ST6GALNAC3: variants seen among roughly 807,000 people sequenced by gnomAD.
ST6GALNAC3 encodes ST6 N-acetylgalactosaminide alpha-2,6-sialyltransferase 3.
Under a neutral mutation model 32.7 loss-of-function variants are expected in ST6GALNAC3, and 25 were observed. The observed-to-expected ratio is 0.76, with a 90% CI of 0.56 to 1.07. The LOEUF (loss-of-function observed/expected upper bound fraction) is 1.07. Ranked by LOEUF, ST6GALNAC3 falls within the 50% of genes least tolerant of loss-of-function variation. The probability of loss-of-function intolerance (pLI) is 0.00; values close to 1 mark genes in which losing one functional copy is unlikely to be tolerated. For missense variants in ST6GALNAC3, 355 were observed against 382.4 expected (o/e 0.93, Z 0.60); for synonymous variants, 129 against 133.1 (o/e 0.97, Z 0.21).
At chr1:76,122,613 G>A (rs552627151) in intron 1 of ST6GALNAC3, among the ~76,000 whole-genome samples, 2 of 152,344 alleles carry the variant, frequency 1.3e-5, no homozygotes, top group African/African-American at 4.8e-5. Context: ...TTCATGAGAG[G>A]TGGGATCGTG....
chr1:76,475,757 C>G (rs181802074), intron 3 of ST6GALNAC3, among the ~76,000 whole-genome samples: 1 of 152,056 alleles, frequency 6.6e-6, no homozygotes, highest in East Asian at 1.9e-4. Context: ...ACTTGCAGAC[C>G]TGCCACATAG....
At chr1:76,478,079 T>A (rs751380133) in intron 3 of ST6GALNAC3, among the ~76,000 whole-genome samples, 1 of 152,184 alleles carries the variant, frequency 6.6e-6, no homozygotes, top group East Asian at 1.9e-4. Flanking sequence ...GACCTGCTCC[T>A]TACTGGGGAG....
Position 76,245,042 on chromosome 1 carries a change from C to T in ST6GALNAC3, c.19-68763C>T, listed in dbSNP as rs555056837. 1.3e-3 allele frequency among the ~76,000 whole-genome samples: 194 copies of T among 152,194 alleles called. 1 individual carries two copies. The highest frequency in any genetic ancestry group is 4.6e-3 in the African/African-American group (193 of 41,556). On this transcript the variant is annotated intron_variant, in intron 1 of 4. Coordinates refer to ENST00000328299, the MANE Select transcript of ST6GALNAC3 (RefSeq NM_152996.4). ...CCTCTTTGTACCTCTGATAGAATTC[C>T]TCTGTGGATCCATCTGGTCCTGGGC... is the stretch of plus-strand genomic sequence containing the variant.
intron 3 of ST6GALNAC3, among the ~76,000 whole-genome samples, chr1:76,413,358 G>T (rs1571151299): frequency 6.6e-6 from 1 of 152,104 alleles, no homozygotes; most frequent in Non-Finnish European, 1.5e-5. Context: ...TGTGAATTTT[G>T]CTTATTTGTG....
At chr1:76,615,781 A>G (rs1648252562) in intron 3 of ST6GALNAC3, among the ~76,000 whole-genome samples, 1 of 152,088 alleles carries the variant, frequency 6.6e-6, no homozygotes, top group Non-Finnish European at 1.5e-5. Context: ...TCTGTTTTCT[A>G]GTTTTCTCTT....
intron 1 of ST6GALNAC3, among the ~76,000 whole-genome samples, chr1:76,266,655 C>T (rs1213372477): frequency 6.6e-6 from 1 of 152,194 alleles, no homozygotes; most frequent in African/African-American, 2.4e-5. Context: ...TAGGTGCTAA[C>T]TCCAATTCTC....
intron 3 of ST6GALNAC3, among the ~76,000 whole-genome samples, chr1:76,502,594 A>C (rs1320374282): frequency 6.6e-6 from 1 of 152,170 alleles, no homozygotes; most frequent in Non-Finnish European, 1.5e-5. Flanking sequence ...CTCCTTTTAT[A>C]GAGACAGCAG....
At chr1:76,185,504 T>A (rs1294478819) in intron 1 of ST6GALNAC3, among the ~76,000 whole-genome samples, 1 of 152,216 alleles carries the variant, frequency 6.6e-6, no homozygotes, top group Non-Finnish European at 1.5e-5. Flanking sequence ...AATCCTGTCA[T>A]GGAGGAAAGC....
intron 1 of ST6GALNAC3, among the ~76,000 whole-genome samples, chr1:76,178,726 A>T (rs531827271): frequency 1.3e-5 from 2 of 152,170 alleles, no homozygotes; most frequent in African/African-American, 4.8e-5. Context: ...TTCAAATATG[A>T]TCATCTGAGA....
chr1:76,099,707 G>A (rs890898697), intron 1 of ST6GALNAC3, among the ~76,000 whole-genome samples: 4 of 152,106 alleles, frequency 2.6e-5, no homozygotes, highest in African/African-American at 4.8e-5. Flanking sequence ...CTTTACAGGG[G>A]CATGTGGGTA....
At chr1:76,232,075 G>A (rs374354665) in intron 1 of ST6GALNAC3, among the ~76,000 whole-genome samples, 5 of 152,250 alleles carry the variant, frequency 3.3e-5, no homozygotes, top group East Asian at 3.9e-4. Flanking sequence ...ACAGAACCAG[G>A]CTTTGATACC....
chr1:76,409,406 G>A (rs1571136179), intron 2 of ST6GALNAC3, among the ~76,000 whole-genome samples: 1 of 151,840 alleles, frequency 6.6e-6, no homozygotes, highest in South Asian at 2.1e-4. Context: ...TGCCTTTGTC[G>A]GTCTGGCACA....
intron 1 of ST6GALNAC3, among the ~76,000 whole-genome samples, chr1:76,125,906 A>G (rs774760653): frequency 3.3e-5 from 5 of 152,188 alleles, no homozygotes; most frequent in African/African-American, 1.2e-4. Flanking sequence ...CCCAGTTACT[A>G]TGTTAGAATC....
intron 3 of ST6GALNAC3, among the ~76,000 whole-genome samples, chr1:76,506,698 C>T (rs1465461961): frequency 6.6e-6 from 1 of 152,138 alleles, no homozygotes; most frequent in African/African-American, 2.4e-5. Flanking sequence ...TTTCAGGTTC[C>T]AGGCAGGTGC....
chr1:76,392,769 G>C (rs1160115154), intron 2 of ST6GALNAC3, among the ~76,000 whole-genome samples: 2 of 152,168 alleles, frequency 1.3e-5, no homozygotes, highest in East Asian at 3.9e-4. Context: ...ACCAGAGCAA[G>C]GGTCAACTGG....
chr1:76,177,656 C>A (rs1164038096), intron 1 of ST6GALNAC3, among the ~76,000 whole-genome samples: 2 of 152,226 alleles, frequency 1.3e-5, no homozygotes, highest in Middle Eastern at 3.4e-3. Context: ...AGCTAGAGTG[C>A]AGAGGAGAAT....
At chr1:76,559,108 T>G (rs541113573) in intron 3 of ST6GALNAC3, among the ~76,000 whole-genome samples, 1 of 152,280 alleles carries the variant, frequency 6.6e-6, no homozygotes, top group African/African-American at 2.4e-5. Context: ...TTTTCTCTCT[T>G]TACTTGGAGT....
chr1:76,328,467 A>T (rs1407704972), intron 2 of ST6GALNAC3, among the ~76,000 whole-genome samples: 1 of 152,112 alleles, frequency 6.6e-6, no homozygotes, highest in African/African-American at 2.4e-5. Flanking sequence ...CATTTTTGCC[A>T]TCTTGCTGAT....
chr1:76,195,444 G>T (rs893076457), intron 1 of ST6GALNAC3, among the ~76,000 whole-genome samples: 49 of 152,096 alleles, frequency 3.2e-4, no homozygotes, highest in Admixed American at 7.9e-4. Context: ...TGTACTCAAG[G>T]TTTAATAAAA....
Sources: allele counts gnomAD v4.1 joint callset (sites outside exome capture counted in the v4.1 genomes callset), GRCh38; gene constraint gnomAD v4.1.1; transcripts MANE v1.5; gene names NCBI Gene and HGNC (gene_info 2026-07-23, HGNC 2026-07-21).